Variants in FHIT observed in about 807,000 individuals in gnomAD.
FHIT encodes the protein bis(5'-adenosyl)-triphosphatase.
In FHIT, 19 loss-of-function variants were observed where a neutral mutation model predicts 17.9. The ratio of observed to expected loss-of-function variants is 1.06; its 90% CI spans 0.74 to 1.56. The LOEUF (loss-of-function observed/expected upper bound fraction) is 1.56. Ranked by LOEUF, FHIT falls within the 40% of genes most tolerant of loss-of-function variation. The pLI, the probability that FHIT is intolerant of heterozygous loss-of-function variation, is 0.00. For missense variants in FHIT, 248 were observed against 189.2 expected (o/e 1.31, Z -1.82); for synonymous variants, 81 against 69.7 (o/e 1.16, Z -0.81).
intron 5 of FHIT, among the ~76,000 whole-genome samples, chr3:60,130,321 T>C (rs1427981869): frequency 6.6e-6 from 1 of 152,190 alleles, no homozygotes; most frequent in Non-Finnish European, 1.5e-5. Context: ...TCAGTTAACA[T>C]TTATTGTGCT....
At chr3:60,603,497 A>T (rs1340163011) in intron 4 of FHIT, among the ~76,000 whole-genome samples, 1 of 151,814 alleles carries the variant, frequency 6.6e-6, no homozygotes, top group Non-Finnish European at 1.5e-5. Flanking sequence ...AACTGTTCAG[A>T]GGGTATTTCT....
chr3:59,951,192 G>GT (rs1305533723), intron 7 of FHIT, among the ~76,000 whole-genome samples: 1 of 152,108 alleles, frequency 6.6e-6, no homozygotes, highest in African/African-American at 2.4e-5. Flanking sequence ...ACTTAACCCC[G>GT]TATTATCCTG....
At chr3:61,208,419 A>T (rs982001246) in intron 1 of FHIT, among the ~76,000 whole-genome samples, 6 of 152,054 alleles carry the variant, frequency 3.9e-5, no homozygotes, top group African/African-American at 1.4e-4. Flanking sequence ...TGGGGTATTA[A>T]AGTCTCCCAT....
At chr3:60,375,379 G>A (rs1346434577) in intron 5 of FHIT, among the ~76,000 whole-genome samples, 3 of 148,726 alleles carry the variant, frequency 2.0e-5, no homozygotes, top group East Asian at 2.0e-4. Flanking sequence ...GACTACCCTG[G>A]GCAACAAGGA....
chr3:60,839,458 C>G (rs1702644561), intron 3 of FHIT, among the ~76,000 whole-genome samples: 1 of 152,172 alleles, frequency 6.6e-6, no homozygotes, highest in Non-Finnish European at 1.5e-5. Context: ...GCAGCACATT[C>G]AGTGAAGTGC....
chr3:60,962,015 T>C (rs1232725353), intron 3 of FHIT, among the ~76,000 whole-genome samples: 1 of 152,220 alleles, frequency 6.6e-6, no homozygotes, highest in Non-Finnish European at 1.5e-5. Context: ...TAAATTGCCT[T>C]GGGCAGTATG....
intron 4 of FHIT, among the ~76,000 whole-genome samples, chr3:60,707,663 G>A (rs1485538429): frequency 6.6e-6 from 1 of 152,136 alleles, no homozygotes; most frequent in Non-Finnish European, 1.5e-5. Context: ...TTACTGTTCT[G>A]TCTTCCCTTT....
intron 5 of FHIT, among the ~76,000 whole-genome samples, chr3:60,404,955 G>A (rs1395297752): frequency 6.6e-6 from 1 of 152,194 alleles, no homozygotes; most frequent in African/African-American, 2.4e-5. Flanking sequence ...TGCAGCAGCA[G>A]CAGAAATCCT....
intron 5 of FHIT, among the ~76,000 whole-genome samples, chr3:60,264,692 T>A (rs1191315407): frequency 6.6e-6 from 1 of 152,010 alleles, no homozygotes; most frequent in African/African-American, 2.4e-5. Context: ...GAGTTGAATG[T>A]GGACTCTCCT....
At chr3:60,132,057 C>G (rs1479539351) in intron 5 of FHIT, among the ~76,000 whole-genome samples, 1 of 152,158 alleles carries the variant, frequency 6.6e-6, no homozygotes, top group African/African-American at 2.4e-5. Flanking sequence ...TTGGAGTGCT[C>G]TCTCTCCATC....
At chr3:60,600,794 T>G (rs1576950684) in intron 4 of FHIT, among the ~76,000 whole-genome samples, 1 of 152,318 alleles carries the variant, frequency 6.6e-6, no homozygotes, top group East Asian at 1.9e-4. Context: ...ACATGTCCTT[T>G]TGAGACCTTA....
intron 5 of FHIT, among the ~76,000 whole-genome samples, chr3:60,167,709 A>C (rs1203279297): frequency 6.6e-6 from 1 of 152,224 alleles, no homozygotes; most frequent in Non-Finnish European, 1.5e-5. Context: ...AATTGCTCAG[A>C]ATCTAGCTTT....
chr3:60,826,108 T>A (rs1298427605), intron 3 of FHIT, among the ~76,000 whole-genome samples: 3 of 151,328 alleles, frequency 2.0e-5, no homozygotes, highest in African/African-American at 7.3e-5. Context: ...TTTTTTGTTT[T>A]CTGCGAGTAA....
chr3:60,665,203 A>G (rs2040353671), intron 4 of FHIT, among the ~76,000 whole-genome samples: 1 of 151,930 alleles, frequency 6.6e-6, no homozygotes. Flanking sequence ...GATATGATCT[A>G]TTTTGGTGAA....
At position 60,176,188 on chromosome 3, in the gene FHIT, C is replaced by CTG. The variant is rs546253253; in HGVS notation, c.104-162037_104-162036insCA. 7.3e-3 allele frequency among the ~76,000 whole-genome samples: 1,117 copies of CTG among 152,224 alleles called. 8 individuals carry two copies. The highest frequency in any genetic ancestry group is 0.026 in the African/African-American group (1,064 of 41,524). Reference sequence around the variant, plus strand: ...CCAACATGGCGAAACCCCGTCTCTACTAAAAATACAAAAATTAGCCGGGCA... The same window carrying CTG: ...CCAACATGGCGAAACCCCGTCTCTACTGTAAAAATACAAAAATTAGCCGGGCA... On this transcript the variant is annotated intron_variant, in intron 5 of 9. Transcript: ENST00000492590.
At chr3:60,139,476 AG>A (rs1279541610) in intron 5 of FHIT, among the ~76,000 whole-genome samples, 2 of 152,182 alleles carry the variant, frequency 1.3e-5, no homozygotes. Flanking sequence ...GATGATGAAA[AG>A]TCTATCACCC....
chr3:60,700,029 G>A (rs1226256917), intron 4 of FHIT, among the ~76,000 whole-genome samples: 1 of 151,530 alleles, frequency 6.6e-6, no homozygotes, highest in East Asian at 1.9e-4. Context: ...TTCTCAGGAG[G>A]CTGAAGCAGG....
At chr3:60,982,383 G>T (rs897806368) in intron 3 of FHIT, among the ~76,000 whole-genome samples, 2 of 152,346 alleles carry the variant, frequency 1.3e-5, no homozygotes, top group East Asian at 1.9e-4. Context: ...CTGCACTTCA[G>T]TTCCTACACA....
chr3:60,381,532 A>C (rs906433376), intron 5 of FHIT, among the ~76,000 whole-genome samples: 5 of 152,016 alleles, frequency 3.3e-5, no homozygotes, highest in African/African-American at 1.2e-4. Flanking sequence ...TAAAACAACA[A>C]AAAAAAGCAC....
Sources: allele counts gnomAD v4.1 joint callset (sites outside exome capture counted in the v4.1 genomes callset), GRCh38; gene constraint gnomAD v4.1.1; transcripts MANE v1.5; gene names NCBI Gene and HGNC (gene_info 2026-07-23, HGNC 2026-07-21).